GRM1: variants seen among roughly 807,000 people sequenced by gnomAD.
GRM1 encodes metabotropic glutamate receptor 1.
GRM1 carries 33 observed loss-of-function variants against 90.9 expected under a neutral mutation model. That is an observed-to-expected ratio of 0.36 (90% CI 0.28 to 0.49). The LOEUF (loss-of-function observed/expected upper bound fraction) is 0.49, where lower values mean the gene tolerates loss of function less well. Among genes scored for constraint, GRM1 ranks in the 20% least tolerant of loss-of-function variants. GRM1 has a pLI of 0.99. For missense variants in GRM1, 1,190 were observed against 1,534.3 expected, an observed-to-expected ratio of 0.78 and a Z score of 3.75; for synonymous variants, 700 against 613.2, an observed-to-expected ratio of 1.14 and a Z score of -2.09.
At chr6:146,199,654 G>A (rs1280942632) in intron 2 of GRM1, among the ~76,000 whole-genome samples, 2 of 150,854 alleles carry the variant, frequency 1.3e-5, no homozygotes, top group Non-Finnish European at 3.0e-5. Context: ...GAGGTATGGG[G>A]CAGTCCCTGA....
chr6:146,356,353 G>A (rs912845625), intron 4 of GRM1, among the ~76,000 whole-genome samples: 5 of 152,164 alleles, frequency 3.3e-5, no homozygotes, highest in African/African-American at 1.2e-4. Flanking sequence ...AACAGATTTG[G>A]TGTCTAGGGA....
At chr6:146,120,766 C>G (rs1747899290) in intron 1 of GRM1, among the ~76,000 whole-genome samples, 1 of 152,174 alleles carries the variant, frequency 6.6e-6, no homozygotes, top group African/African-American at 2.4e-5. Context: ...GTTGAACCAG[C>G]CTTGCATCCC....
intron 5 of GRM1, among the ~76,000 whole-genome samples, chr6:146,368,016 T>A (rs1248587066): frequency 6.6e-6 from 1 of 152,122 alleles, no homozygotes; most frequent in Non-Finnish European, 1.5e-5. Flanking sequence ...ATCTTTTTAT[T>A]GTTTTGTGTC....
intron 1 of GRM1, among the ~76,000 whole-genome samples, chr6:146,064,359 T>C (rs1170015650): frequency 6.6e-6 from 1 of 152,236 alleles, no homozygotes; most frequent in Non-Finnish European, 1.5e-5. Flanking sequence ...AGTCTACTTT[T>C]ATAGTTACTT....
chr6:146,073,121 A>ATTCAATAC (rs1441765129), intron 1 of GRM1, among the ~76,000 whole-genome samples: 1 of 152,096 alleles, frequency 6.6e-6, no homozygotes, highest in African/African-American at 2.4e-5. Flanking sequence ...AATATTATGT[A>ATTCAATAC]ATAATTATAA....
intron 3 of GRM1, among the ~76,000 whole-genome samples, chr6:146,307,129 A>G (rs1034766218): frequency 6.6e-6 from 1 of 152,218 alleles, no homozygotes; most frequent in Non-Finnish European, 1.5e-5. Flanking sequence ...TTGTGACAGT[A>G]CATAAATGTC....
At chr6:146,213,036 T>A (rs759494722) in intron 2 of GRM1, among the ~76,000 whole-genome samples, 2 of 152,160 alleles carry the variant, frequency 1.3e-5, no homozygotes, top group South Asian at 4.2e-4. Context: ...TTTGGGGTAA[T>A]TGGTATAATA....
At chr6:146,159,901 G>T in intron 2 of GRM1, 1 of 193,752 alleles carries the variant, frequency 5.2e-6, no homozygotes. Context: ...TGGTGACAGA[G>T]TGAGACCTTA....
At chr6:146,353,613 A>G (rs1370112012) in intron 4 of GRM1, among the ~76,000 whole-genome samples, 1 of 152,188 alleles carries the variant, frequency 6.6e-6, no homozygotes, top group Non-Finnish European at 1.5e-5. Flanking sequence ...TCCTAAAATT[A>G]GGCAACGTGG....
intron 6 of GRM1, among the ~76,000 whole-genome samples, chr6:146,398,414 AC>A (rs1777044184): frequency 6.6e-6 from 1 of 152,168 alleles, no homozygotes; most frequent in Non-Finnish European, 1.5e-5. Context: ...TCACCATTTA[AC>A]CCTCACTGGA....
chr6:146,029,492 A>G lies in GRM1; in HGVS notation c.-26A>G. On this transcript the variant is annotated 5_prime_UTR_variant, in exon 1 of 8. Coordinates refer to ENST00000282753, the MANE Select transcript of GRM1 (RefSeq NM_001278064.2). ...GGACCAGCGTGGGAACGCGGCTGGCAGGCTGTGGACCTCGTCCTCACCACC... is the reference window on the plus strand; with the variant it reads ...GGACCAGCGTGGGAACGCGGCTGGCGGGCTGTGGACCTCGTCCTCACCACC... 3 of 1,574,514 alleles carry G rather than the reference A, an allele frequency of 1.9e-6. No individual in the cohort carries two copies. Among genetic ancestry groups the G allele is most frequent in the Middle Eastern group, 1.7e-4 (1 of 5,784 alleles).
intron 2 of GRM1, among the ~76,000 whole-genome samples, chr6:146,170,258 T>G (rs1460248105): frequency 6.6e-6 from 1 of 152,170 alleles, no homozygotes; most frequent in African/African-American, 2.4e-5. Context: ...CTTCTTGTGT[T>G]TATCTTACTT....
chr6:146,247,483 T>C (rs2114752279), intron 2 of GRM1, among the ~76,000 whole-genome samples: 1 of 152,274 alleles, frequency 6.6e-6, no homozygotes, highest in Non-Finnish European at 1.5e-5. Context: ...GTGCAGCAGC[T>C]CATGCCTGTA....
intron 3 of GRM1, among the ~76,000 whole-genome samples, chr6:146,331,148 T>C (rs1224399783): frequency 6.6e-6 from 1 of 152,146 alleles, no homozygotes; most frequent in Non-Finnish European, 1.5e-5. Context: ...GAGCGGCTGA[T>C]AGGGGCTGCT....
At chr6:146,270,872 T>TCTTTCTTC (rs1782107157) in intron 2 of GRM1, among the ~76,000 whole-genome samples, 1 of 84,850 alleles carries the variant, frequency 1.2e-5, no homozygotes, top group Non-Finnish European at 2.2e-5. Flanking sequence ...TTTCTTTCTT[T>TCTTTCTTC]CTTTCTTTCT....
intron 2 of GRM1, among the ~76,000 whole-genome samples, chr6:146,280,781 C>T (rs947824178): frequency 1.5e-5 from 2 of 136,860 alleles, no homozygotes; most frequent in Non-Finnish European, 3.0e-5. Context: ...CCACCTAGCC[C>T]AGGTAATTTT....
intron 1 of GRM1, among the ~76,000 whole-genome samples, chr6:146,043,796 T>TATATATATCTATATATATATATAG (rs1791213511): frequency 7.2e-6 from 1 of 137,940 alleles, no homozygotes; most frequent in African/African-American, 2.6e-5. Flanking sequence ...TATATATATA[T>TATATATATCTATATATATATATAG]ATATATATAT....
chr6:146,289,879 A>G (rs538642882), intron 2 of GRM1, among the ~76,000 whole-genome samples: 1 of 152,314 alleles, frequency 6.6e-6, no homozygotes, highest in East Asian at 1.9e-4. Context: ...AGTGTAAATA[A>G]TGCATTCTAT....
chr6:146,410,167 G>A (rs961717347), intron 7 of GRM1, among the ~76,000 whole-genome samples: 10 of 152,252 alleles, frequency 6.6e-5, no homozygotes, highest in Middle Eastern at 3.4e-3. Flanking sequence ...AGGGAGAACA[G>A]GGATGCTGTC....
Sources: gnomAD v4.1 joint callset for allele counts (sites outside exome capture counted in the v4.1 genomes callset) on GRCh38, gnomAD v4.1.1 for gene constraint, MANE v1.5 for transcripts, NCBI Gene and HGNC (gene_info 2026-07-23, HGNC 2026-07-21) for gene names.